GRIP1: variants seen among roughly 807,000 people sequenced by gnomAD.
The protein encoded by GRIP1 is glutamate receptor interacting protein 1, also known as glutamate receptor-interacting protein 1.
In GRIP1, 45 loss-of-function variants were observed where a neutral mutation model predicts 129.9. That is an observed-to-expected ratio of 0.35 (90% confidence interval 0.27 to 0.44). The LOEUF is 0.44. Ranked by LOEUF, GRIP1 falls within the 20% of genes least tolerant of loss-of-function variation. The probability of loss-of-function intolerance (pLI) is 1.00; values close to 1 mark genes in which losing one functional copy is unlikely to be tolerated. For synonymous variants in GRIP1, 530 were observed against 520.8 expected (o/e 1.02, Z -0.24); for missense variants, 1,196 against 1,396.8 (o/e 0.86, Z 2.29).
At chr12:66,871,536 T>C (rs2040296027) in intron 1 of GRIP1, among the ~76,000 whole-genome samples, 1 of 152,114 alleles carries the variant, frequency 6.6e-6, no homozygotes, top group African/African-American at 2.4e-5. Flanking sequence ...ATAATACCTA[T>C]GAGGTGCTTA....
At chr12:66,469,325 G>A (rs11176206) in intron 7 of GRIP1, among the ~76,000 whole-genome samples, 75,247 of 151,872 alleles carry the variant, frequency 0.5, 18,960 homozygotes, top group Middle Eastern at 0.65. Context: ...GTTAAGGCAG[G>A]TTAACCAACT....
intron 1 of GRIP1, among the ~76,000 whole-genome samples, chr12:66,722,084 A>G (rs1177591774): frequency 6.6e-6 from 1 of 152,204 alleles, no homozygotes; most frequent in East Asian, 1.9e-4. Flanking sequence ...TCTTATAATT[A>G]GTGTGTTCAT....
intron 1 of GRIP1, among the ~76,000 whole-genome samples, chr12:67,004,833 T>C (rs953176937): frequency 1.3e-5 from 2 of 152,260 alleles, no homozygotes; most frequent in Admixed American, 1.3e-4. Context: ...ATAGAGTATA[T>C]GACTTATTTG....
At chr12:66,829,734 T>C (rs748374372) in intron 1 of GRIP1, among the ~76,000 whole-genome samples, 36 of 152,206 alleles carry the variant, frequency 2.4e-4, no homozygotes, top group Non-Finnish European at 4.6e-4. Context: ...CCTTCAACCA[T>C]ACTGTGAGGT....
At chr12:66,859,214 T>G (rs535120611) in intron 1 of GRIP1, among the ~76,000 whole-genome samples, 1 of 99,398 alleles carries the variant, frequency 1.0e-5, no homozygotes, top group African/African-American at 3.2e-5. Flanking sequence ...TGCCAGGAAA[T>G]AGCAAAATGA....
intron 1 of GRIP1, among the ~76,000 whole-genome samples, chr12:67,056,728 G>A (rs913394229): frequency 2.3e-4 from 35 of 152,154 alleles, no homozygotes; most frequent in Non-Finnish European, 4.4e-5. Flanking sequence ...TCTAAACACT[G>A]AGAGATGAAA....
intron 1 of GRIP1, among the ~76,000 whole-genome samples, chr12:66,854,430 T>A (rs188684864): frequency 8.5e-5 from 13 of 152,082 alleles, no homozygotes; most frequent in Admixed American, 2.6e-4. Context: ...TCTGAAGGAT[T>A]TTCAGTGTAA....
At chr12:66,975,607 C>A (rs541733883) in intron 1 of GRIP1, among the ~76,000 whole-genome samples, 1 of 151,994 alleles carries the variant, frequency 6.6e-6, no homozygotes, top group South Asian at 2.1e-4. Flanking sequence ...AAAGAGTAAC[C>A]AAAATAATAT....
intron 1 of GRIP1, among the ~76,000 whole-genome samples, chr12:66,750,643 G>A (rs1254188462): frequency 1.3e-5 from 2 of 152,120 alleles, no homozygotes; most frequent in African/African-American, 4.8e-5. Context: ...GGTCAATCCA[G>A]GTTTGACACT....
At chr12:66,805,423 A>G (rs2038970020), upstream of GRIP1, among the ~76,000 whole-genome samples, 1 of 152,144 alleles carries the variant, frequency 6.6e-6, no homozygotes, top group Admixed American at 6.5e-5. Context: ...TCAGGTCTTT[A>G]AGCGAAAGAG....
chr12:67,044,417 C>T (rs1012005523), intron 1 of GRIP1, among the ~76,000 whole-genome samples: 5 of 152,190 alleles, frequency 3.3e-5, no homozygotes, highest in African/African-American at 9.7e-5. Flanking sequence ...GGGGAAACTA[C>T]TCAAACATTT....
intron 19 of GRIP1, among the ~76,000 whole-genome samples, chr12:66,385,494 A>G (rs1485812019): frequency 1.3e-5 from 2 of 152,176 alleles, no homozygotes; most frequent in Non-Finnish European, 1.5e-5. Flanking sequence ...CAAGATCGCA[A>G]CATTGTACTC....
intron 1 of GRIP1, among the ~76,000 whole-genome samples, chr12:67,011,708 T>C (rs1321101457): frequency 6.6e-6 from 1 of 152,164 alleles, no homozygotes; most frequent in East Asian, 1.9e-4. Flanking sequence ...CTTCTTATTC[T>C]TTCACAGCAT....
At chr12:66,585,105 C>CT (rs143307283) in intron 2 of GRIP1, among the ~76,000 whole-genome samples, 34 of 113,114 alleles carry the variant, frequency 3.0e-4, no homozygotes, top group South Asian at 2.4e-3. Flanking sequence ...TTTTTTCCTT[C>CT]TTTTTTTTTA....
chr12:66,947,057 A>C (rs895940406), intron 1 of GRIP1, among the ~76,000 whole-genome samples: 2 of 151,704 alleles, frequency 1.3e-5, no homozygotes, highest in Non-Finnish European at 2.9e-5. Context: ...AAAAAAAAAA[A>C]CCTGCTTAGC....
intron 1 of GRIP1, among the ~76,000 whole-genome samples, chr12:66,609,828 T>C (rs1480979926): frequency 6.6e-6 from 1 of 152,158 alleles, no homozygotes; most frequent in Non-Finnish European, 1.5e-5. Flanking sequence ...AAAGAAACCA[T>C]TCCTTCCATC....
At chr12:66,819,779 T>G (rs1331719488) in intron 1 of GRIP1, among the ~76,000 whole-genome samples, 2 of 152,166 alleles carry the variant, frequency 1.3e-5, no homozygotes, top group Non-Finnish European at 2.9e-5. Flanking sequence ...ACAACTCTTC[T>G]TGAACCCATC....
intron 9 of GRIP1, among the ~76,000 whole-genome samples, chr12:66,459,593 G>C (rs2059073952): frequency 6.6e-6 from 1 of 152,176 alleles, no homozygotes; most frequent in African/African-American, 2.4e-5. Flanking sequence ...TTCTCAGACT[G>C]TGCCAATTGC....
intron 1 of GRIP1, among the ~76,000 whole-genome samples, chr12:66,869,952 G>C (rs186195749): frequency 1.9e-3 from 290 of 152,212 alleles, no homozygotes; most frequent in African/African-American, 5.2e-3. Flanking sequence ...TCCATGGTCT[G>C]ACATTATGGG....
Sources: allele counts gnomAD v4.1 joint callset (sites outside exome capture counted in the v4.1 genomes callset), GRCh38; gene constraint gnomAD v4.1.1; transcripts MANE v1.5; gene names NCBI Gene and HGNC (gene_info 2026-07-23, HGNC 2026-07-21).